The following PPFIA2 variants were observed in gnomAD, a reference collection of about 807,000 sequenced individuals.
The protein encoded by PPFIA2 is liprin-alpha-2.
Under a neutral mutation model 175.5 loss-of-function variants are expected in PPFIA2, and 46 were observed. That is an observed-to-expected ratio of 0.26 (90% CI 0.21 to 0.34). The LOEUF is 0.34. Among genes scored for constraint, PPFIA2 ranks in the 10% least tolerant of loss-of-function variants. PPFIA2 has a pLI of 1.00. For missense variants in PPFIA2, 1,179 were observed against 1,506.1 expected, an observed-to-expected ratio of 0.78 and a Z score of 3.60; for synonymous variants, 568 against 511.4, an observed-to-expected ratio of 1.11 and a Z score of -1.49.
chr12:81,516,062 C>T (rs1244726271), intron 4 of PPFIA2, among the ~76,000 whole-genome samples: 1 of 151,930 alleles, frequency 6.6e-6, no homozygotes, highest in Non-Finnish European at 1.5e-5. Flanking sequence ...AGATGTTCTC[C>T]AAATTTATAA....
At chr12:81,419,332 A>G (rs978809327) in intron 7 of PPFIA2, among the ~76,000 whole-genome samples, 2 of 152,132 alleles carry the variant, frequency 1.3e-5, no homozygotes, top group Non-Finnish European at 2.9e-5. Flanking sequence ...TATTCATGAA[A>G]AAAAGAAAAT....
chr12:81,340,273 G>A (rs1214928987), intron 20 of PPFIA2, among the ~76,000 whole-genome samples: 1 of 152,034 alleles, frequency 6.6e-6, no homozygotes, highest in African/African-American at 2.4e-5. Context: ...AACACAGAAA[G>A]CCCTACTTTT....
chr12:81,679,058 C>A (rs1406766862), intron 3 of PPFIA2, among the ~76,000 whole-genome samples: 2 of 151,738 alleles, frequency 1.3e-5, no homozygotes, highest in Non-Finnish European at 1.5e-5. Context: ...TATAAATTGA[C>A]AAGGAATATT....
At chr12:81,660,011 A>G (rs2068521938) in intron 4 of PPFIA2, among the ~76,000 whole-genome samples, 1 of 152,198 alleles carries the variant, frequency 6.6e-6, no homozygotes. Flanking sequence ...GAAAACTAAC[A>G]AACAGAAAGG....
At chr12:81,430,616 G>A (rs955471435) in intron 7 of PPFIA2, 1 of 149,622 alleles carries the variant, frequency 6.7e-6, no homozygotes, top group Admixed American at 6.7e-5. Flanking sequence ...CTCTTGACTT[G>A]CTTGAGTCTC....
chr12:81,703,110 T>C (rs549222023), intron 3 of PPFIA2, among the ~76,000 whole-genome samples: 1 of 152,240 alleles, frequency 6.6e-6, no homozygotes, highest in African/African-American at 2.4e-5. Context: ...CTTTTTTCTC[T>C]ACACTTCTTC....
chr12:81,375,552 C>G (rs2036168132), intron 10 of PPFIA2, among the ~76,000 whole-genome samples: 1 of 152,114 alleles, frequency 6.6e-6, no homozygotes, highest in African/African-American at 2.4e-5. Flanking sequence ...AGCACAGATT[C>G]TGGCTCATGC....
At chr12:81,423,646 G>A (rs2116680) in intron 7 of PPFIA2, among the ~76,000 whole-genome samples, 54,944 of 151,938 alleles carry the variant, frequency 0.36, 11,509 homozygotes, top group African/African-American at 0.58. Context: ...ATCTTAATCC[G>A]TGGAGAAAAA....
At chr12:81,266,810 CAACA>C (rs2037402971) in intron 30 of PPFIA2, 138 bp downstream of exon 30, 1 of 670,082 alleles carries the variant, frequency 1.5e-6, no homozygotes, top group South Asian at 1.8e-5. Flanking sequence ...GAATATTTAA[CAACA>C]AACCTGGAGA....
At chr12:81,579,177 T>G (rs2074038697) in intron 4 of PPFIA2, among the ~76,000 whole-genome samples, 1 of 151,888 alleles carries the variant, frequency 6.6e-6, no homozygotes, top group East Asian at 1.9e-4. Context: ...AAAGCAAAAG[T>G]GACACTCATA....
chr12:81,673,643 A>G (rs1380466533), intron 4 of PPFIA2, among the ~76,000 whole-genome samples: 3 of 152,056 alleles, frequency 2.0e-5, no homozygotes, highest in Admixed American at 6.6e-5. Context: ...AATATAGAAT[A>G]TCTTTTGATA....
At chr12:81,515,884 A>C (rs185241729) in intron 4 of PPFIA2, among the ~76,000 whole-genome samples, 1 of 151,958 alleles carries the variant, frequency 6.6e-6, no homozygotes, top group Non-Finnish European at 1.5e-5. Context: ...CTCACATTTG[A>C]TCATCTCTTA....
intron 7 of PPFIA2, among the ~76,000 whole-genome samples, chr12:81,406,827 T>C (rs2043022044): frequency 6.6e-6 from 1 of 152,164 alleles, no homozygotes; most frequent in Admixed American, 6.6e-5. Context: ...CAATAAGATC[T>C]GAATAATATT....
chr12:81,707,816 T>C (rs1444562563), intron 3 of PPFIA2, among the ~76,000 whole-genome samples: 3 of 150,794 alleles, frequency 2.0e-5, no homozygotes, highest in African/African-American at 7.3e-5. Flanking sequence ...ATGTGGCACA[T>C]ATACACCATG....
chr12:81,737,719 A>G (rs2061418538), intron 3 of PPFIA2, among the ~76,000 whole-genome samples: 1 of 152,022 alleles, frequency 6.6e-6, no homozygotes, highest in Admixed American at 6.6e-5. Context: ...GATAGTAATC[A>G]CAACAAAATA....
chr12:81,421,878 G>C (rs991204061), intron 7 of PPFIA2, among the ~76,000 whole-genome samples: 1 of 151,682 alleles, frequency 6.6e-6, no homozygotes, highest in Non-Finnish European at 1.5e-5. Context: ...TATGCAAATG[G>C]TAACCAAAAG....
At chr12:81,389,687 G>T (rs2039738273) in intron 8 of PPFIA2, among the ~76,000 whole-genome samples, 1 of 151,902 alleles carries the variant, frequency 6.6e-6, no homozygotes, top group Non-Finnish European at 1.5e-5. Context: ...TCTTGTTTTT[G>T]TTCCAAACCA....
intron 3 of PPFIA2, among the ~76,000 whole-genome samples, chr12:81,682,815 A>G (rs972768608): frequency 4.6e-5 from 7 of 152,002 alleles, no homozygotes; most frequent in African/African-American, 1.7e-4. Flanking sequence ...AAGGTTGCCA[A>G]TGACATCCTA....
intron 4 of PPFIA2, among the ~76,000 whole-genome samples, chr12:81,488,349 T>A (rs908111656): frequency 6.6e-6 from 1 of 151,788 alleles, no homozygotes; most frequent in Non-Finnish European, 1.5e-5. Context: ...TTTTGCCATT[T>A]TTGGGAGGTT....
Sources: allele counts gnomAD v4.1 joint callset (sites outside exome capture counted in the v4.1 genomes callset), GRCh38; gene constraint gnomAD v4.1.1; transcripts MANE v1.5; gene names NCBI Gene and HGNC (gene_info 2026-07-23, HGNC 2026-07-21).